The following NME7 variants were observed in gnomAD, a reference collection of about 807,000 sequenced individuals.
NME7 encodes NME/NM23 family member 7, also known as nucleoside diphosphate kinase 7.
NME7 carries 41 observed loss-of-function variants against 49.1 expected under a neutral mutation model. The observed-to-expected ratio is 0.83, with a 90% CI of 0.65 to 1.08. The LOEUF is 1.08. Ranked by LOEUF, NME7 falls within the 50% of genes least tolerant of loss-of-function variation. The pLI, the probability that NME7 is intolerant of heterozygous loss-of-function variation, is 0.00. For synonymous variants in NME7, 139 were observed against 150.6 expected (o/e 0.92, Z 0.56); for missense variants, 423 against 463.4 (o/e 0.91, Z 0.80).
At chr1:169,313,386 C>T (rs752486460) in intron 3 of NME7, among the ~76,000 whole-genome samples, 1 of 152,054 alleles carries the variant, frequency 6.6e-6, no homozygotes, top group Non-Finnish European at 1.5e-5. Context: ...TATACCACCC[C>T]CGCTTAAGGT....
intron 6 of NME7, among the ~76,000 whole-genome samples, chr1:169,293,120 C>G (rs1158707533): frequency 6.6e-6 from 1 of 150,384 alleles, no homozygotes; most frequent in Admixed American, 6.6e-5. Flanking sequence ...TATCACAAGA[C>G]CCTGTCTTTA....
intron 10 of NME7, among the ~76,000 whole-genome samples, chr1:169,178,859 C>T (rs1659845002): frequency 7.1e-6 from 1 of 141,224 alleles, no homozygotes; most frequent in Admixed American, 7.3e-5. Context: ...CTTGCTCTGT[C>T]ACCCAGGCTG....
intron 10 of NME7, among the ~76,000 whole-genome samples, chr1:169,184,350 A>G (rs17349460): frequency 0.032 from 4,907 of 152,280 alleles, 141 homozygotes; most frequent in Non-Finnish European, 0.048. Context: ...GTCACAGGAA[A>G]AGTAATTTCA....
At chr1:169,281,429 C>T (rs1159305984) in intron 7 of NME7, among the ~76,000 whole-genome samples, 1 of 152,144 alleles carries the variant, frequency 6.6e-6, no homozygotes, top group Non-Finnish European at 1.5e-5. Context: ...CTCTTCCTAT[C>T]TGAATACCCT....
chr1:169,204,590 T>G (rs756449160), intron 10 of NME7, among the ~76,000 whole-genome samples: 14 of 152,144 alleles, frequency 9.2e-5, no homozygotes, highest in Non-Finnish European at 1.5e-5. Flanking sequence ...GGGTTCACCT[T>G]CTTTCAGATG....
At chr1:169,231,853 C>G (rs77271624) in intron 9 of NME7, among the ~76,000 whole-genome samples, 1 of 152,060 alleles carries the variant, frequency 6.6e-6, no homozygotes, top group African/African-American at 2.4e-5. Context: ...CAAATTGATT[C>G]CAAGTGATTT....
intron 10 of NME7, 31 bp downstream of exon 10, chr1:169,230,687 A>C: frequency 6.7e-7 from 1 of 1,482,616 alleles, no homozygotes; most frequent in Non-Finnish European, 9.2e-7. Context: ...AGATAACACA[A>C]ACTAGGATAA....
At chr1:169,230,639 A>C in intron 10 of NME7, 79 bp downstream of exon 10, 1 of 821,448 alleles carries the variant, frequency 1.2e-6, no homozygotes, top group Non-Finnish European at 1.8e-6. Flanking sequence ...TACTTAAAGG[A>C]ACAAACGAAA....
intron 8 of NME7, among the ~76,000 whole-genome samples, chr1:169,236,718 T>TC (rs1360545379): frequency 4.0e-5 from 3 of 74,136 alleles, no homozygotes; most frequent in African/African-American, 2.6e-4. Flanking sequence ...GTAAACTATT[T>TC]CCCTTTTTTT....
chr1:169,181,037 C>T (rs998605855), intron 10 of NME7, among the ~76,000 whole-genome samples: 3 of 152,080 alleles, frequency 2.0e-5, no homozygotes, highest in Non-Finnish European at 2.9e-5. Flanking sequence ...GCAGTATTAA[C>T]CTCTCTCATG....
chr1:169,269,422 A>C (rs1383847709), intron 7 of NME7, among the ~76,000 whole-genome samples: 2 of 134,254 alleles, frequency 1.5e-5, no homozygotes, highest in East Asian at 4.0e-4. Flanking sequence ...TTTTTGTTAA[A>C]ACTGAGTTAA....
chr1:169,179,713 T>C (rs11802117), intron 10 of NME7, among the ~76,000 whole-genome samples: 56,450 of 151,794 alleles, frequency 0.37, 11,060 homozygotes, highest in East Asian at 0.73. Context: ...GAATAGAAAA[T>C]CAAATACCCG....
At chr1:169,352,668 CT>C (rs1653221501) in intron 1 of NME7, among the ~76,000 whole-genome samples, 2 of 152,008 alleles carry the variant, frequency 1.3e-5, no homozygotes, top group Admixed American at 1.3e-4. Flanking sequence ...TTGGAAAAAC[CT>C]AAAGACTCCA....
At chr1:169,303,431 A>T in intron 4 of NME7, 2 of 180,236 alleles carry the variant, frequency 1.1e-5, no homozygotes, top group Non-Finnish European at 2.2e-5. Context: ...TTTTCTACTT[A>T]TGTTATATAT....
intron 1 of NME7, among the ~76,000 whole-genome samples, chr1:169,333,638 C>T (rs1652345885): frequency 6.6e-6 from 1 of 151,428 alleles, no homozygotes; most frequent in Non-Finnish European, 1.5e-5. Context: ...TACCCATAAA[C>T]ATTTAATATT....
chr1:169,346,886 C>T lies in NME7; in HGVS notation c.3+20822G>A, dbSNP rs575364710. ...AGTTGAATTTATTCATGCCTTCATTCATTCAACAAATACTGAATGGCTTCT... is the reference window on the plus strand; with the variant it reads ...AGTTGAATTTATTCATGCCTTCATTTATTCAACAAATACTGAATGGCTTCT... On this transcript the variant is annotated intron_variant, in intron 1 of 11. Coordinates refer to ENST00000367811, the MANE Select transcript of NME7 (RefSeq NM_013330.5). Among the ~76,000 whole-genome samples, 192 of 152,306 alleles carry T rather than the reference C, an allele frequency of 1.3e-3. 1 individual carries two copies. The highest frequency in any genetic ancestry group is 4.3e-3 in the African/African-American group (180 of 41,572).
chr1:169,362,950 T>C (rs1257887948), intron 1 of NME7, among the ~76,000 whole-genome samples: 1 of 152,128 alleles, frequency 6.6e-6, no homozygotes, highest in Non-Finnish European at 1.5e-5. Flanking sequence ...TTTTAAACTA[T>C]ATATTAGCTG....
At chr1:169,183,540 G>C (rs879434450) in intron 10 of NME7, among the ~76,000 whole-genome samples, 1 of 152,116 alleles carries the variant, frequency 6.6e-6, no homozygotes, top group Non-Finnish European at 1.5e-5. Flanking sequence ...AGTGGCTCAC[G>C]CCTGTAATCC....
intron 3 of NME7, among the ~76,000 whole-genome samples, chr1:169,317,287 T>G (rs1224839555): frequency 6.6e-6 from 1 of 152,218 alleles, no homozygotes; most frequent in Non-Finnish European, 1.5e-5. Context: ...TCAACTCTAA[T>G]CTGTTAACTG....
Sources: gnomAD v4.1 joint callset for allele counts (sites outside exome capture counted in the v4.1 genomes callset) on GRCh38, gnomAD v4.1.1 for gene constraint, MANE v1.5 for transcripts, NCBI Gene and HGNC (gene_info 2026-07-23, HGNC 2026-07-21) for gene names.